CDH12: variants seen among roughly 807,000 people sequenced by gnomAD.
The protein encoded by CDH12 is cadherin-12.
In CDH12, 41 loss-of-function variants were observed where a neutral mutation model predicts 74.1. The ratio of observed to expected loss-of-function variants is 0.55; its 90% CI spans 0.43 to 0.72. CDH12 has a LOEUF of 0.72. Ranked by LOEUF, CDH12 falls within the 30% of genes least tolerant of loss-of-function variation. CDH12 has a pLI of 0.00. For missense variants in CDH12, 945 were observed against 977.2 expected (o/e 0.97, Z 0.44); for synonymous variants, 399 against 355.0 (o/e 1.12, Z -1.39).
At chr5:22,233,121 A>C (rs1752443493) in intron 3 of CDH12, among the ~76,000 whole-genome samples, 1 of 151,612 alleles carries the variant, frequency 6.6e-6, no homozygotes. Flanking sequence ...TATTATCAAC[A>C]TTCTAAAGCC....
intron 4 of CDH12, among the ~76,000 whole-genome samples, chr5:22,096,427 C>G (rs1743785432): frequency 6.6e-6 from 1 of 152,078 alleles, no homozygotes; most frequent in African/African-American, 2.4e-5. Flanking sequence ...TCAGTCCCAA[C>G]CCCAAGTGTT....
At position 22,082,643 on chromosome 5, in the gene CDH12, C is replaced by T. The variant is rs114462804; in HGVS notation, c.-186-3781G>A. ...CGGTTACTGAAACCATGGAAAATGA[C>T]GCAGGATAAGGGGTGACTACTGTGT... On this transcript the variant is annotated intron_variant, in intron 4 of 14. Coordinates refer to ENST00000382254, the MANE Select transcript of CDH12 (RefSeq NM_004061.5). Among the ~76,000 whole-genome samples the T allele has an allele frequency of 5.5e-3, 839 of 152,208 alleles. 2 individuals carry two copies. Among genetic ancestry groups the T allele is most frequent in the Middle Eastern group, 0.01 (3 of 294 alleles).
At chr5:22,426,705 C>T (rs1482748366) in intron 2 of CDH12, among the ~76,000 whole-genome samples, 1 of 152,062 alleles carries the variant, frequency 6.6e-6, no homozygotes, top group Non-Finnish European at 1.5e-5. Flanking sequence ...TCAGTTTGAA[C>T]AATTATCTCC....
intron 4 of CDH12, among the ~76,000 whole-genome samples, chr5:22,191,000 G>C (rs1750240343): frequency 6.6e-6 from 1 of 152,188 alleles, no homozygotes; most frequent in South Asian, 2.1e-4. Context: ...TAATGTAATA[G>C]TTTTCCTTTC....
At chr5:22,813,399 A>G (rs1004727163) in intron 1 of CDH12, among the ~76,000 whole-genome samples, 1 of 152,176 alleles carries the variant, frequency 6.6e-6, no homozygotes, top group East Asian at 1.9e-4. Context: ...GTGCTATGAA[A>G]AGTTTTTCTT....
chr5:21,946,425 G>T (rs1480370403), intron 6 of CDH12, among the ~76,000 whole-genome samples: 2 of 152,146 alleles, frequency 1.3e-5, no homozygotes, highest in Non-Finnish European at 2.9e-5. Context: ...GACCTACCTG[G>T]TTGGATGCTC....
intron 5 of CDH12, among the ~76,000 whole-genome samples, chr5:22,046,940 G>C (rs1739995930): frequency 6.6e-6 from 1 of 152,112 alleles, no homozygotes; most frequent in Non-Finnish European, 1.5e-5. Flanking sequence ...AGATGCTCAG[G>C]AAAAGAAATT....
intron 2 of CDH12, among the ~76,000 whole-genome samples, chr5:22,446,303 C>A (rs1744814635): frequency 6.6e-6 from 1 of 152,100 alleles, no homozygotes; most frequent in Admixed American, 6.6e-5. Context: ...CTAACTACTT[C>A]AACTTCAAAC....
At chr5:21,984,931 AC>A (rs1465359986) in intron 5 of CDH12, among the ~76,000 whole-genome samples, 1 of 152,138 alleles carries the variant, frequency 6.6e-6, no homozygotes, top group Non-Finnish European at 1.5e-5. Flanking sequence ...TGAAAATAAG[AC>A]CTTTTCCTGC....
intron 1 of CDH12, among the ~76,000 whole-genome samples, chr5:22,598,179 G>T (rs554651151): frequency 2.6e-5 from 4 of 152,278 alleles, no homozygotes; most frequent in Non-Finnish European, 5.9e-5. Context: ...TTCTGTGAAT[G>T]AAATGGAAAT....
chr5:22,227,331 G>T (rs1752231132), intron 3 of CDH12, among the ~76,000 whole-genome samples: 1 of 151,866 alleles, frequency 6.6e-6, no homozygotes, highest in Non-Finnish European at 1.5e-5. Context: ...AGATCCCAAG[G>T]GTATTGAATC....
chr5:22,390,563 T>C (rs1742198071), intron 3 of CDH12, among the ~76,000 whole-genome samples: 2 of 139,452 alleles, frequency 1.4e-5, no homozygotes, highest in Admixed American at 7.5e-5. Flanking sequence ...CTTGATTACA[T>C]GGATGGATGG....
intron 5 of CDH12, among the ~76,000 whole-genome samples, chr5:21,990,997 C>CAG (rs915547503): frequency 3.1e-4 from 47 of 150,690 alleles, no homozygotes; most frequent in African/African-American, 1.1e-3. Flanking sequence ...AATCTATGTT[C>CAG]AGAGAATTGA....
intron 6 of CDH12, among the ~76,000 whole-genome samples, chr5:21,910,324 A>G (rs1307751822): frequency 6.6e-6 from 1 of 152,130 alleles, no homozygotes. Context: ...AGAAGCTCCA[A>G]GGATGTCATC....
At position 22,323,131 on chromosome 5, in the gene CDH12, T is replaced by C. The variant is rs531522575; in HGVS notation, c.-333+82126A>G. On this transcript the variant is annotated intron_variant, in intron 3 of 14. Transcript: ENST00000382254. ...ACAATGATTTATCATTCATGAGATG[T>C]ATACCACATCAGAAAGCTTAACTTA... is the stretch of plus-strand genomic sequence containing the variant. Among the ~76,000 whole-genome samples, 245 of 152,266 alleles carry C rather than the reference T, an allele frequency of 1.6e-3. 1 individual carries two copies. The highest frequency in any genetic ancestry group is 3.2e-3 in the Non-Finnish European group (220 of 67,998).
intron 5 of CDH12, among the ~76,000 whole-genome samples, chr5:22,063,956 A>C (rs951621115): frequency 2.0e-5 from 3 of 151,062 alleles, no homozygotes; most frequent in African/African-American, 7.3e-5. Flanking sequence ...TCTCTCTCAT[A>C]TATCAGAAAC....
intron 4 of CDH12, among the ~76,000 whole-genome samples, chr5:22,183,392 T>C (rs1282470985): frequency 6.6e-6 from 1 of 152,106 alleles, no homozygotes; most frequent in African/African-American, 2.4e-5. Flanking sequence ...CAGAAAAGAA[T>C]CAGAAGTTAT....
chr5:21,905,234 A>T (rs934255223), intron 6 of CDH12, among the ~76,000 whole-genome samples: 3 of 152,244 alleles, frequency 2.0e-5, no homozygotes, highest in African/African-American at 4.8e-5. Context: ...TGTTGGACTC[A>T]AAGTTGTGTT....
At chr5:22,013,167 G>C (rs1737396553) in intron 5 of CDH12, among the ~76,000 whole-genome samples, 1 of 152,132 alleles carries the variant, frequency 6.6e-6, no homozygotes, top group African/African-American at 2.4e-5. Context: ...CGCATGGCTG[G>C]GGAGACCTCA....
Sources: gnomAD v4.1 joint callset for allele counts (sites outside exome capture counted in the v4.1 genomes callset) on GRCh38, gnomAD v4.1.1 for gene constraint, MANE v1.5 for transcripts, NCBI Gene and HGNC (gene_info 2026-07-23, HGNC 2026-07-21) for gene names.